The following C5orf47 variants were observed in gnomAD, a reference collection of about 807,000 sequenced individuals.
C5orf47 encodes chromosome 5 open reading frame 47.
In C5orf47, 20 loss-of-function variants were observed where a neutral mutation model predicts 20.6. The observed-to-expected ratio is 0.97, with a 90% CI of 0.68 to 1.41. The LOEUF is 1.41. Among genes scored for constraint, C5orf47 ranks in the 40% most tolerant of loss-of-function variants. The probability of loss-of-function intolerance (pLI) is 0.00; values close to 1 mark genes in which losing one functional copy is unlikely to be tolerated. For missense variants in C5orf47, 262 were observed against 238.4 expected, an observed-to-expected ratio of 1.10 and a Z score of -0.65; for synonymous variants, 106 against 97.3, an observed-to-expected ratio of 1.09 and a Z score of -0.53.
Position 173,989,507 on chromosome 5 carries a change from G to C in C5orf47, c.244G>C (p.Gly82Arg). 1 of 1,542,094 alleles carries C rather than the reference G, an allele frequency of 6.5e-7. No homozygotes were observed. Among genetic ancestry groups the C allele is most frequent in the Non-Finnish European group, 8.7e-7 (1 of 1,143,142 alleles). The change falls in exon 1 of 5, where the codon GGT (glycine) becomes CGT (arginine). Residue 82 changes from glycine to arginine, a missense_variant. By Grantham distance (125) the Gly-to-Arg change is moderately radical (BLOSUM62 -2). Coordinates refer to ENST00000340147, the MANE Select transcript of C5orf47 (RefSeq NM_001144954.2). The part of the protein sequence containing the change: ...GSQLRVPTTP[G>R]VEAAASASSQ... ...CCAGCTCAGGGTCCCCACGACCCCT[G>C]GTGTGGAGGCTGCGGCCTCTGCCTC...
intron 4 of C5orf47, among the ~76,000 whole-genome samples, chr5:174,003,398 A>G (rs138838193): frequency 1.4e-3 from 218 of 152,292 alleles, no homozygotes; most frequent in African/African-American, 5.0e-3. Context: ...TGGGGATAAG[A>G]TGATGCTGAG....
chr5:173,994,052 A>G (rs1759044786), intron 1 of C5orf47, among the ~76,000 whole-genome samples: 1 of 152,232 alleles, frequency 6.6e-6, no homozygotes, highest in Non-Finnish European at 1.5e-5. Flanking sequence ...AAAGTTGTCC[A>G]GATACCTGAA....
chr5:174,008,838 A>AG (rs1296087352), downstream of C5orf47, among the ~76,000 whole-genome samples: 4 of 150,406 alleles, frequency 2.7e-5, no homozygotes, highest in Non-Finnish European at 4.4e-5. Flanking sequence ...AAAAAAAAAA[A>AG]AAAGAAAGAA....
intron 4 of C5orf47, among the ~76,000 whole-genome samples, chr5:174,003,487 G>C (rs1759234021): frequency 6.6e-6 from 1 of 152,162 alleles, no homozygotes; most frequent in Admixed American, 6.5e-5. Flanking sequence ...CTTTTGGCAT[G>C]TTGAATTTTA....
At chr5:174,004,090 A>G (rs67618727) in intron 4 of C5orf47, among the ~76,000 whole-genome samples, 181 bp from the exon 5 acceptor site, 21,466 of 152,230 alleles carry the variant, frequency 0.14, 2,122 homozygotes, top group African/African-American at 0.28. Flanking sequence ...TATGAGTTAC[A>G]TATTGAGTCT....
At position 173,989,594 on chromosome 5, in the gene C5orf47, G is replaced by C; in HGVS notation, c.325+6G>C. 1 of 1,434,068 alleles carries C rather than the reference G, an allele frequency of 7.0e-7. No individual in the cohort carries two copies. The highest frequency in any genetic ancestry group is 1.5e-5 in the South Asian group (1 of 68,722). The allele number at this position is 1,434,068 out of a possible 1,614,324, so 88.8% of individuals were successfully genotyped here. A position where few individuals can be genotyped will look rare whatever the true frequency, so the allele number is the denominator to read the frequency against. ...CAGACAGTCGGCGCGTGCAGGTGGT[G>C]CAGCGGGGCAGGGCGGGACCGGGCG... On this transcript the variant is annotated splice_donor_region_variant and intron_variant, in intron 1 of 4. Coordinates refer to ENST00000340147, the MANE Select transcript of C5orf47 (RefSeq NM_001144954.2).
At chr5:174,008,064 C>T (rs1759320246), downstream of C5orf47, among the ~76,000 whole-genome samples, 1 of 152,164 alleles carries the variant, frequency 6.6e-6, no homozygotes, top group Non-Finnish European at 1.5e-5. Context: ...AGGGACCTGC[C>T]TGGATTTTCA....
downstream of C5orf47, among the ~76,000 whole-genome samples, chr5:174,009,418 A>T (rs911661463): frequency 6.6e-6 from 1 of 152,064 alleles, no homozygotes; most frequent in African/African-American, 2.4e-5. Flanking sequence ...TATTCTTGAA[A>T]CGAATGCTTA....
chr5:174,009,224 T>A (rs971281205), downstream of C5orf47, among the ~76,000 whole-genome samples: 3 of 150,876 alleles, frequency 2.0e-5, no homozygotes, highest in South Asian at 6.2e-4. Flanking sequence ...AGAAAAAAAA[T>A]AATCCTCCAG....
intron 1 of C5orf47, among the ~76,000 whole-genome samples, chr5:173,994,103 G>A (rs66804358): frequency 0.14 from 21,393 of 152,164 alleles, 2,100 homozygotes; most frequent in African/African-American, 0.28. Flanking sequence ...TGAATGTGGT[G>A]GATGAGGCAA....
chr5:173,991,111 G>T (rs559613541), intron 1 of C5orf47, among the ~76,000 whole-genome samples: 2 of 152,006 alleles, frequency 1.3e-5, no homozygotes, highest in Admixed American at 6.6e-5. Context: ...TGGACATTTC[G>T]TATATGTTGA....
rs114193472 is a variant in C5orf47, at chr5:173,990,169, A to G, written c.325+581A>G. ...GAGACGGGGTATTGCTGTGTCACTC[A>G]GGCTGGAGTGTGGTGGTCCAATCAC... On this transcript the variant is annotated intron_variant, in intron 1 of 4. Transcript: ENST00000340147. 5.1e-3 allele frequency among the ~76,000 whole-genome samples: 745 copies of G among 145,442 alleles called. 5 individuals carry two copies. The highest frequency in any genetic ancestry group is 0.018 in the African/African-American group (703 of 38,966).
downstream of C5orf47, among the ~76,000 whole-genome samples, chr5:174,007,246 GATAATA>G (rs965224282): frequency 1.1e-4 from 16 of 152,216 alleles, no homozygotes; most frequent in East Asian, 1.9e-4. Context: ...TCCCAGCCAA[GATAATA>G]ATAATAACAA....
chr5:174,003,899 C>G (rs564632687), intron 4 of C5orf47, among the ~76,000 whole-genome samples: 1 of 152,252 alleles, frequency 6.6e-6, no homozygotes, highest in East Asian at 1.9e-4. Flanking sequence ...TGAAAAGTTT[C>G]AGCACCTAGA....
downstream of C5orf47, among the ~76,000 whole-genome samples, chr5:174,006,392 A>G (rs1759293980): frequency 6.6e-6 from 1 of 152,230 alleles, no homozygotes; most frequent in South Asian, 2.1e-4. Context: ...TTTGGTGAGT[A>G]CAGAATGGTG....
intron 1 of C5orf47, among the ~76,000 whole-genome samples, chr5:173,994,686 C>A (rs572878353): frequency 6.6e-6 from 1 of 152,174 alleles, no homozygotes; most frequent in South Asian, 2.1e-4. Flanking sequence ...TTAGTGACCA[C>A]GCTGCTGTGC....
intron 1 of C5orf47, among the ~76,000 whole-genome samples, chr5:173,997,000 T>C (rs1362183838): frequency 6.6e-6 from 1 of 152,220 alleles, no homozygotes; most frequent in African/African-American, 2.4e-5. Context: ...ATCAGTGGCA[T>C]GTTTCTCACA....
intron 1 of C5orf47, among the ~76,000 whole-genome samples, chr5:173,992,486 T>C (rs1759016461): frequency 6.6e-6 from 1 of 152,198 alleles, no homozygotes; most frequent in Non-Finnish European, 1.5e-5. Context: ...TTTCTGCTTT[T>C]AATATTATTA....
rs1310752475 is a variant in C5orf47 at position 174,005,590 on chromosome 5, T to G, written c.*1336T>G. 6.6e-6 allele frequency: 1 copy of G among 152,324 alleles called. No individual in the cohort carries two copies. Among genetic ancestry groups the G allele is most frequent in the Admixed American group, 6.5e-5 (1 of 15,280 alleles). The allele number at this position is 152,324 out of a possible 1,614,324, so 9.4% of individuals were successfully genotyped here. On this transcript the variant is annotated 3_prime_UTR_variant, in exon 5 of 5. Transcript: ENST00000340147. ...GTCACACAACTTCTTTATATTATGC[T>G]GGGTAAATTTCAGGCTGCTAAATCC... is the stretch of plus-strand genomic sequence containing the variant.
Sources: allele counts gnomAD v4.1 joint callset (sites outside exome capture counted in the v4.1 genomes callset), GRCh38; gene constraint gnomAD v4.1.1; transcripts MANE v1.5; gene names NCBI Gene and HGNC (gene_info 2026-07-23, HGNC 2026-07-21).